The following MYH14 variants were observed in gnomAD, a reference collection of about 807,000 sequenced individuals.
MYH14 encodes the protein myosin heavy chain 14.
Under a neutral mutation model 255.5 loss-of-function variants are expected in MYH14, and 123 were observed. The ratio of observed to expected loss-of-function variants is 0.48; its 90% CI spans 0.42 to 0.56. MYH14 has a LOEUF of 0.56. Among genes scored for constraint, MYH14 ranks in the 20% least tolerant of loss-of-function variants. The pLI is 0.00. For synonymous variants in MYH14, 1,095 were observed against 1,161.2 expected (o/e 0.94, Z 1.16); for missense variants, 2,423 against 2,802.3 (o/e 0.86, Z 3.06).
rs535022949 is a variant in MYH14, at chr19:50,250,089, GTTTGT to G, written c.1656+285_1656+289del. Among the ~76,000 whole-genome samples the G allele has an allele frequency of 1.1e-4, 17 of 152,202 alleles. No individual in the cohort carries two copies. Among genetic ancestry groups the G allele is most frequent in the South Asian group, 8.3e-4 (4 of 4,816 alleles). On this transcript the variant is annotated intron_variant, in intron 14 of 42. Coordinates refer to ENST00000642316, the MANE Select transcript of MYH14 (RefSeq NM_001145809.2). This position sits in a 1 kb window ranked among gnomAD's most constrained non-coding sequence, Gnocchi z 5.4. ...TTGTTCTCACGTTTGTTTTTTGTTT[GTTTGT>G]TTTGTTTTGTTTTGTTTTTTTCTTG...
intron 33 of MYH14, chr19:50,285,908 A>T (rs1363764954): frequency 6.6e-6 from 1 of 152,132 alleles, no homozygotes; most frequent in African/African-American, 2.4e-5. Context: ...TTTATTTCAG[A>T]TATTTCATTT....
Position 50,309,793 on chromosome 19 carries a change from CT to C in MYH14, c.*4del. ...CCCCACCAGCCCACCCCCAGTGACCCTACCCTGTCCCCAGATGCACTAACAG... is the reference window on the plus strand; with the variant it reads ...CCCCACCAGCCCACCCCCAGTGACCCACCCTGTCCCCAGATGCACTAACAG... On this transcript the variant is annotated 3_prime_UTR_variant, in exon 43 of 43. Coordinates refer to ENST00000642316, the MANE Select transcript of MYH14 (RefSeq NM_001145809.2). 6.4e-7 allele frequency: 1 copy of C among 1,565,812 alleles called. No individual in the cohort carries two copies. The highest frequency in any genetic ancestry group is 8.7e-7 in the Non-Finnish European group (1 of 1,152,640).
intron 40 of MYH14, among the ~76,000 whole-genome samples, chr19:50,304,810 A>T (rs148978477): frequency 1.3e-5 from 2 of 152,258 alleles, no homozygotes; most frequent in Admixed American, 1.3e-4. Context: ...ATACCCTGAG[A>T]TGTAGTGGTT....
chr19:50,254,604 G>A (rs1461498610), intron 16 of MYH14, among the ~76,000 whole-genome samples: 1 of 152,170 alleles, frequency 6.6e-6, no homozygotes, highest in African/African-American at 2.4e-5. Context: ...AGCCTCCCGA[G>A]TAGCTGGGGA....
chr19:50,245,929 CCCTT>C (rs2034096112), intron 11 of MYH14, among the ~76,000 whole-genome samples: 1 of 107,916 alleles, frequency 9.3e-6, no homozygotes, highest in East Asian at 2.9e-4. Flanking sequence ...CTACTGGGAT[CCCTT>C]CCCTCCCTCC....
intron 39 of MYH14, among the ~76,000 whole-genome samples, chr19:50,301,118 G>T (rs937442079): frequency 6.6e-6 from 1 of 152,174 alleles, no homozygotes; most frequent in African/African-American, 2.4e-5. Context: ...ACTATTATTA[G>T]GGGTGTGTTT....
rs1280068404 is a variant in MYH14 at position 50,244,437 on chromosome 19, A to G, written c.1210+100A>G. The G allele has an allele frequency of 4.7e-6, 4 of 846,302 alleles. No homozygotes were observed. The Admixed American group carries it at 7.6e-5, about 16-fold the overall frequency. 52.4% of individuals were successfully genotyped at this position (846,302 alleles called of 1,614,324 possible). A position where few individuals can be genotyped will look rare whatever the true frequency, so the allele number is the denominator to read the frequency against. ...CCCACGTAGAGAGCATCCCCCTTCC[A>G]GCCACACCTGTCTCCAACCCAGGAT... On this transcript the variant is annotated intron_variant, in intron 11 of 42. Transcript: ENST00000642316.
chr19:50,267,727 A>G (rs977939663), intron 23 of MYH14, among the ~76,000 whole-genome samples: 3 of 152,140 alleles, frequency 2.0e-5, no homozygotes, highest in African/African-American at 7.2e-5. Context: ...TAGGTATGAA[A>G]TGTATTAAAT....
At chr19:50,271,321 G>A (rs976750690) in intron 24 of MYH14, 88 bp from the exon 25 acceptor site, 31 of 1,415,964 alleles carry the variant, frequency 2.2e-5, no homozygotes, top group Middle Eastern at 2.5e-4. Flanking sequence ...GCGGGGATCC[G>A]TGGGCCAGCC....
Position 50,278,079 on chromosome 19 carries a change from C to A in MYH14, c.3826-4C>A. 1 of 1,552,054 alleles carries A rather than the reference C, an allele frequency of 6.4e-7. No individual in the cohort carries two copies. Among genetic ancestry groups the A allele is most frequent in the Non-Finnish European group, 8.8e-7 (1 of 1,141,758 alleles). On this transcript the variant is annotated splice_polypyrimidine_tract_variant and splice_region_variant and intron_variant, in intron 29 of 42. Coordinates refer to ENST00000642316, the MANE Select transcript of MYH14 (RefSeq NM_001145809.2). Reference sequence around the variant, plus strand: ...GATCTTTGCTCATCTCCTTCCCACACCAGGGCAAAGGTGCATGGGAGAAGA... The same window carrying A: ...GATCTTTGCTCATCTCCTTCCCACAACAGGGCAAAGGTGCATGGGAGAAGA...
At chr19:50,306,924 T>G (rs2036671712) in intron 40 of MYH14, 125 bp from the exon 41 acceptor site, 2 of 725,510 alleles carry the variant, frequency 2.8e-6, no homozygotes, top group Non-Finnish European at 4.8e-6. Flanking sequence ...TGGGAACCAC[T>G]TAGGGGTTAG....
intron 39 of MYH14, among the ~76,000 whole-genome samples, chr19:50,300,664 G>A (rs540333332): frequency 4.6e-5 from 5 of 109,236 alleles, no homozygotes; most frequent in East Asian, 2.8e-4. Flanking sequence ...CAGGAGAATC[G>A]CTTGAACCTG....
At position 50,276,853 on chromosome 19, in the gene MYH14, C is replaced by A. The variant is rs371116668; in HGVS notation, c.3777C>A (p.His1259Gln). 2 of 1,504,652 alleles carry A rather than the reference C, an allele frequency of 1.3e-6. No homozygotes were observed. Among genetic ancestry groups the A allele is most frequent in the Non-Finnish European group, 9.0e-7 (1 of 1,115,652 alleles). 93.2% of individuals were successfully genotyped at this position (1,504,652 alleles called of 1,614,324 possible). Reference sequence around the variant, plus strand: ...CAGTGCAGGAGCTGAGGCAGCGCCACGGCCAGGCCCTGGGGGAGCTGGCGG... The same window carrying A: ...CAGTGCAGGAGCTGAGGCAGCGCCAAGGCCAGGCCCTGGGGGAGCTGGCGG... ...EAAVQELRQRHGQALGELAEQ... is the reference protein window; with the variant it reads ...EAAVQELRQRQGQALGELAEQ... Residue 1259 changes from histidine to glutamine, a missense_variant, in exon 29 of 43, where the codon CAC becomes CAA. Transcript: ENST00000642316. The surrounding 1 kb of genome is among the most constrained non-coding windows in gnomAD (Gnocchi z 4.3).
chr19:50,281,528 C>T, intron 32 of MYH14, 66 bp from the exon 33 acceptor site: 4 of 1,512,386 alleles, frequency 2.6e-6, no homozygotes, highest in East Asian at 2.3e-5. Context: ...AAATGGAGCA[C>T]CACCAGCTTA....
intron 36 of MYH14, 25 bp from the exon 37 acceptor site, chr19:50,292,236 C>T: frequency 6.3e-7 from 1 of 1,584,866 alleles, no homozygotes; most frequent in South Asian, 1.2e-5. Flanking sequence ...AGGCTGAGCC[C>T]ATCTACCTAT....
intron 10 of MYH14, among the ~76,000 whole-genome samples, chr19:50,236,484 C>T (rs1268601604): frequency 3.3e-5 from 5 of 151,964 alleles, no homozygotes; most frequent in African/African-American, 4.8e-5. Flanking sequence ...CCGAGGCAGG[C>T]GGATCATGAG....
Position 50,309,822 on chromosome 19 carries a change from G to A in MYH14, c.*32G>A, listed in dbSNP as rs1277788027. 5 of 1,452,750 alleles carry A rather than the reference G, an allele frequency of 3.4e-6. No homozygotes were observed. The highest frequency in any genetic ancestry group is 4.6e-6 in the Non-Finnish European group (5 of 1,077,024). The allele number at this position is 1,452,750 out of a possible 1,614,324, so 90.0% of individuals were successfully genotyped here. On this transcript the variant is annotated 3_prime_UTR_variant, in exon 43 of 43. Transcript: ENST00000642316. ...CCTGTCCCCAGATGCACTAACAGAT[G>A]GGGCCCAGCCCCCTTCCTCCCTGGA...
chr19:50,262,651 G>A (rs2034926443), intron 21 of MYH14, among the ~76,000 whole-genome samples: 1 of 152,086 alleles, frequency 6.6e-6, no homozygotes, highest in Non-Finnish European at 1.5e-5. Context: ...TGTGAGCAGG[G>A]GAGGGGTGGG....
chr19:50,306,272 C>T (rs2036650943), intron 40 of MYH14, among the ~76,000 whole-genome samples: 1 of 152,150 alleles, frequency 6.6e-6, no homozygotes, highest in South Asian at 2.1e-4. Flanking sequence ...AAGAGTGAAA[C>T]TCTGTCTCAA....
Sources: allele counts gnomAD v4.1 joint callset (sites outside exome capture counted in the v4.1 genomes callset), GRCh38; gene constraint gnomAD v4.1.1; non-coding constraint Gnocchi (gnomAD v3.1); transcripts MANE v1.5; gene names NCBI Gene and HGNC (gene_info 2026-07-23, HGNC 2026-07-21).